The following FSTL5 variants were observed in gnomAD, a reference collection of about 807,000 sequenced individuals.
FSTL5 encodes follistatin-related protein 5.
In FSTL5, 62 loss-of-function variants were observed where a neutral mutation model predicts 89.1. The observed-to-expected ratio is 0.70, with a 90% CI of 0.57 to 0.86. The LOEUF (loss-of-function observed/expected upper bound fraction) is 0.86, where lower values mean the gene tolerates loss of function less well. Among genes scored for constraint, FSTL5 ranks in the 40% least tolerant of loss-of-function variants. The pLI is 0.00. For missense variants in FSTL5, 1,057 were observed against 1,001.6 expected, an observed-to-expected ratio of 1.06 and a Z score of -0.75; for synonymous variants, 383 against 346.2, an observed-to-expected ratio of 1.11 and a Z score of -1.18.
chr4:162,102,640 T>A (rs544480453), intron 2 of FSTL5, among the ~76,000 whole-genome samples: 257 of 146,136 alleles, frequency 1.8e-3, no homozygotes, highest in African/African-American at 5.6e-3. Context: ...CATATATAAA[T>A]ATGTATATTT....
chr4:161,668,339 T>C (rs1736970026), intron 6 of FSTL5, among the ~76,000 whole-genome samples: 2 of 152,298 alleles, frequency 1.3e-5, no homozygotes, highest in African/African-American at 2.4e-5. Context: ...GCAATCTGAA[T>C]AGGTTTATAC....
chr4:162,146,469 T>C (rs569664560), intron 1 of FSTL5, among the ~76,000 whole-genome samples: 2 of 152,230 alleles, frequency 1.3e-5, no homozygotes, highest in Admixed American at 6.5e-5. Context: ...TAATAGGCTT[T>C]AGATTTACAG....
At chr4:162,160,909 C>T (rs978504819) in intron 1 of FSTL5, among the ~76,000 whole-genome samples, 1 of 151,510 alleles carries the variant, frequency 6.6e-6, no homozygotes, top group Non-Finnish European at 1.5e-5. Flanking sequence ...TTAAATCTCA[C>T]AAAACATAAA....
intron 7 of FSTL5, among the ~76,000 whole-genome samples, chr4:161,646,935 C>G (rs544627172): frequency 6.6e-6 from 1 of 152,016 alleles, no homozygotes; most frequent in Non-Finnish European, 1.5e-5. Flanking sequence ...CAAATATTTT[C>G]TCTACTTCCA....
intron 5 of FSTL5, among the ~76,000 whole-genome samples, chr4:161,761,883 G>A (rs1053376481): frequency 6.6e-6 from 1 of 152,006 alleles, no homozygotes; most frequent in Non-Finnish European, 1.5e-5. Context: ...TCTCATTTAA[G>A]TGGGTCAATG....
chr4:161,830,929 T>C (rs1266051906), intron 4 of FSTL5, among the ~76,000 whole-genome samples: 2 of 151,996 alleles, frequency 1.3e-5, no homozygotes, highest in Non-Finnish European at 2.9e-5. Flanking sequence ...ATTTTAATAG[T>C]GGTATTAAAT....
intron 7 of FSTL5, among the ~76,000 whole-genome samples, chr4:161,618,902 AC>A (rs1350504281): frequency 1.3e-5 from 2 of 152,232 alleles, no homozygotes; most frequent in Non-Finnish European, 2.9e-5. Context: ...AGCCAAAAGA[AC>A]AAAGCTGGAG....
At chr4:161,592,602 C>G (rs920268122) in intron 7 of FSTL5, among the ~76,000 whole-genome samples, 2 of 152,170 alleles carry the variant, frequency 1.3e-5, no homozygotes, top group Non-Finnish European at 2.9e-5. Flanking sequence ...AGGACATGAA[C>G]TCATCCTTTT....
chr4:161,551,786 T>G (rs1440305148), intron 8 of FSTL5, among the ~76,000 whole-genome samples: 4 of 151,898 alleles, frequency 2.6e-5, no homozygotes, highest in Admixed American at 6.6e-5. Flanking sequence ...TAGCCATATG[T>G]AGAAAGCTGA....
rs1578946341 is a variant in FSTL5, at chr4:161,585,638, C to G, written c.1015+1817G>C. On this transcript the variant is annotated intron_variant, in intron 8 of 15. Coordinates refer to ENST00000306100, the MANE Select transcript of FSTL5 (RefSeq NM_020116.5). ...GCATTAATCTTGTTGAATAGGCAAA[C>G]AGTCAGTAAGCATTTACCACAAAAT... Among the ~76,000 whole-genome samples, 6 of 136,810 alleles carry G rather than the reference C, an allele frequency of 4.4e-5. No individual in the cohort carries two copies. The South Asian group carries it at 1.4e-3, about 33-fold the overall frequency. 89.8% of individuals were successfully genotyped at this position (136,810 alleles called of 152,430 possible). A position where few individuals can be genotyped will look rare whatever the true frequency, so the allele number is the denominator to read the frequency against.
intron 4 of FSTL5, among the ~76,000 whole-genome samples, chr4:161,882,238 T>A (rs1732656797): frequency 2.0e-5 from 3 of 152,252 alleles, no homozygotes; most frequent in Admixed American, 2.0e-4. Flanking sequence ...CTTTTTCTTC[T>A]CTAAGACTTA....
At chr4:161,566,784 C>T (rs937397348) in intron 8 of FSTL5, among the ~76,000 whole-genome samples, 2 of 151,980 alleles carry the variant, frequency 1.3e-5, no homozygotes, top group Non-Finnish European at 2.9e-5. Context: ...ATAATAATTA[C>T]TCATAAGTAT....
At chr4:161,527,461 A>G (rs1448676039) in intron 10 of FSTL5, among the ~76,000 whole-genome samples, 1 of 151,992 alleles carries the variant, frequency 6.6e-6, no homozygotes, top group Non-Finnish European at 1.5e-5. Context: ...AAAAACAAAC[A>G]ACCCCTTCAA....
chr4:161,428,223 T>C (rs1732229698), intron 15 of FSTL5, among the ~76,000 whole-genome samples: 1 of 151,952 alleles, frequency 6.6e-6, no homozygotes, highest in African/African-American at 2.4e-5. Context: ...AGAACTTGAG[T>C]TTCCACAAAT....
rs145221807 is a variant in FSTL5 at position 161,659,219 on chromosome 4, G to C, written c.728-2725C>G. On this transcript the variant is annotated intron_variant, in intron 6 of 15. Coordinates refer to ENST00000306100, the MANE Select transcript of FSTL5 (RefSeq NM_020116.5). ...TTTAAAATGACTTCAAATATATTTC[G>C]TGGTAATACTTATTATTAAGTAACT... Among the ~76,000 whole-genome samples the C allele has an allele frequency of 2.5e-3, 376 of 151,972 alleles. 4 individuals are homozygous for C. In the Middle Eastern group the frequency reaches 0.051, roughly 21 times the overall value.
At chr4:161,626,832 T>C (rs1285028109) in intron 7 of FSTL5, among the ~76,000 whole-genome samples, 3 of 152,150 alleles carry the variant, frequency 2.0e-5, no homozygotes, top group Non-Finnish European at 4.4e-5. Context: ...CCAATCCTCA[T>C]GGATGGCTTC....
intron 4 of FSTL5, among the ~76,000 whole-genome samples, chr4:161,902,764 G>C (rs1188924737): frequency 6.6e-6 from 1 of 152,082 alleles, no homozygotes; most frequent in African/African-American, 2.4e-5. Context: ...CAGGAGAATG[G>C]CGTGAACCCG....
intron 10 of FSTL5, among the ~76,000 whole-genome samples, chr4:161,513,642 G>A (rs1730725736): frequency 6.6e-6 from 1 of 152,134 alleles, no homozygotes; most frequent in African/African-American, 2.4e-5. Context: ...CATACACCAT[G>A]GAATATTATG....
intron 15 of FSTL5, among the ~76,000 whole-genome samples, chr4:161,450,644 C>T (rs1337645727): frequency 6.6e-6 from 1 of 151,402 alleles, no homozygotes; most frequent in African/African-American, 2.4e-5. Flanking sequence ...TGAAGCGTTG[C>T]TTTATATTTG....
Sources: gnomAD v4.1 joint callset for allele counts (sites outside exome capture counted in the v4.1 genomes callset) on GRCh38, gnomAD v4.1.1 for gene constraint, MANE v1.5 for transcripts, NCBI Gene and HGNC (gene_info 2026-07-23, HGNC 2026-07-21) for gene names.